KCNH5: variants seen among roughly 807,000 people sequenced by gnomAD.
The protein encoded by KCNH5 is voltage-gated delayed rectifier potassium channel KCNH5.
A neutral mutation model predicts 96.1 loss-of-function variants in KCNH5; 46 were observed. That is an observed-to-expected ratio of 0.48 (90% CI 0.38 to 0.61). The LOEUF (loss-of-function observed/expected upper bound fraction) is 0.61, where lower values mean the gene tolerates loss of function less well. KCNH5 is among the 20% of genes least tolerant of loss of function. The pLI, the probability that KCNH5 is intolerant of heterozygous loss-of-function variation, is 0.00. For synonymous variants in KCNH5, 439 were observed against 449.8 expected, an observed-to-expected ratio of 0.98 and a Z score of 0.30; for missense variants, 907 against 1,225.8, an observed-to-expected ratio of 0.74 and a Z score of 3.88.
intron 7 of KCNH5, among the ~76,000 whole-genome samples, chr14:62,929,603 G>A (rs1889542060): frequency 1.3e-5 from 2 of 151,874 alleles, no homozygotes; most frequent in South Asian, 2.1e-4. Flanking sequence ...TTATAATGAG[G>A]ACATAGACTT....
chr14:62,754,960 T>C (rs375457435), intron 10 of KCNH5, among the ~76,000 whole-genome samples: 6 of 84,462 alleles, frequency 7.1e-5, no homozygotes, highest in Admixed American at 1.3e-4. Context: ...ACAAAAACTA[T>C]ATAAAGAGAC....
In KCNH5 at chr14:62,714,614, T is replaced by C. The variant is rs143771545; in HGVS notation, c.2020-6159A>G. ...CCAATTATTATATAGATGATCATTTTTCTCTAGAAAACAAGCATTTTTTTA... is the reference window on the plus strand; with the variant it reads ...CCAATTATTATATAGATGATCATTTCTCTCTAGAAAACAAGCATTTTTTTA... On this transcript the variant is annotated intron_variant, in intron 10 of 10. Coordinates refer to ENST00000322893, the MANE Select transcript of KCNH5 (RefSeq NM_139318.5). Among the ~76,000 whole-genome samples, 557 of 152,320 alleles carry C rather than the reference T, an allele frequency of 3.7e-3. 2 individuals carry two copies. Among genetic ancestry groups the C allele is most frequent in the African/African-American group, 0.013 (542 of 41,576 alleles).
At chr14:62,970,496 C>A (rs1033352037) in intron 6 of KCNH5, among the ~76,000 whole-genome samples, 3 of 152,176 alleles carry the variant, frequency 2.0e-5, no homozygotes, top group Non-Finnish European at 4.4e-5. Context: ...ATGAGACCAG[C>A]ATTACCCCAA....
chr14:62,955,270 T>C (rs184727188), intron 6 of KCNH5, among the ~76,000 whole-genome samples: 1 of 152,222 alleles, frequency 6.6e-6, no homozygotes, highest in Non-Finnish European at 1.5e-5. Context: ...GATAGAAGGA[T>C]GCAAACAGGA....
At chr14:62,735,606 T>A (rs963285125) in intron 10 of KCNH5, among the ~76,000 whole-genome samples, 2 of 152,268 alleles carry the variant, frequency 1.3e-5, no homozygotes, top group East Asian at 3.9e-4. Flanking sequence ...ACCTTCAAAA[T>A]ACATCCACAA....
intron 3 of KCNH5, among the ~76,000 whole-genome samples, chr14:63,004,689 C>T (rs56677467): frequency 0.058 from 8,777 of 152,214 alleles, 840 homozygotes; most frequent in African/African-American, 0.2. Context: ...ACTGCAGCCT[C>T]GAACTCCTGG....
At chr14:62,823,992 A>G (rs1181807736) in intron 8 of KCNH5, among the ~76,000 whole-genome samples, 1 of 152,074 alleles carries the variant, frequency 6.6e-6, no homozygotes, top group Non-Finnish European at 1.5e-5. Flanking sequence ...AAACCTTGAT[A>G]AAACACAAAA....
intron 6 of KCNH5, among the ~76,000 whole-genome samples, chr14:62,967,044 C>G (rs1890318203): frequency 6.6e-6 from 1 of 152,128 alleles, no homozygotes; most frequent in Admixed American, 6.5e-5. Context: ...TAGCTTTTGA[C>G]AGCCTCATGC....
intron 7 of KCNH5, among the ~76,000 whole-genome samples, chr14:62,889,939 A>G (rs1306789633): frequency 5.3e-5 from 8 of 152,176 alleles, no homozygotes; most frequent in African/African-American, 1.9e-4. Flanking sequence ...TCAAATTAAT[A>G]TAACCCATCT....
At chr14:62,924,728 G>A (rs2140111052) in intron 7 of KCNH5, among the ~76,000 whole-genome samples, 1 of 151,850 alleles carries the variant, frequency 6.6e-6, no homozygotes, top group East Asian at 1.9e-4. Context: ...GAAAGACAAT[G>A]CATGATCTCA....
intron 8 of KCNH5, among the ~76,000 whole-genome samples, chr14:62,840,003 A>G (rs1173774429): frequency 6.6e-6 from 1 of 152,152 alleles, no homozygotes; most frequent in East Asian, 1.9e-4. Flanking sequence ...ATATAAAATC[A>G]TATGTTTATC....
chr14:62,968,275 C>T (rs1890340466), intron 6 of KCNH5, among the ~76,000 whole-genome samples: 1 of 152,200 alleles, frequency 6.6e-6, no homozygotes. Context: ...ACCCTGACCC[C>T]TCTTTTATTT....
At chr14:62,968,668 AC>A (rs1890349089) in intron 6 of KCNH5, among the ~76,000 whole-genome samples, 1 of 152,188 alleles carries the variant, frequency 6.6e-6, no homozygotes, top group Non-Finnish European at 1.5e-5. Context: ...CCCATTATTA[AC>A]AAAAAGCATG....
intron 5 of KCNH5, among the ~76,000 whole-genome samples, chr14:62,985,928 A>C (rs534193424): frequency 2.6e-5 from 4 of 152,244 alleles, no homozygotes; most frequent in African/African-American, 9.6e-5. Context: ...TCATTTTATT[A>C]ACCAACAGAA....
intron 7 of KCNH5, among the ~76,000 whole-genome samples, chr14:62,895,098 AATTAAC>A (rs1888784275): frequency 6.6e-6 from 1 of 152,204 alleles, no homozygotes; most frequent in Non-Finnish European, 1.5e-5. Context: ...CCATGTGCTC[AATTAAC>A]TCTTAGTAAG....
chr14:62,748,455 G>A (rs565414643), intron 10 of KCNH5, among the ~76,000 whole-genome samples: 54 of 152,172 alleles, frequency 3.5e-4, no homozygotes, highest in Middle Eastern at 3.4e-3. Context: ...CTAGAGGCTC[G>A]GAATGCCTAC....
chr14:62,984,774 G>C (rs773616613), intron 5 of KCNH5, among the ~76,000 whole-genome samples: 10 of 151,978 alleles, frequency 6.6e-5, no homozygotes, highest in Non-Finnish European at 1.2e-4. Flanking sequence ...AAAAAAAACA[G>C]ATGGGATGAA....
At chr14:63,040,384 T>G (rs1057505113) in intron 1 of KCNH5, among the ~76,000 whole-genome samples, 1 of 152,028 alleles carries the variant, frequency 6.6e-6, no homozygotes, top group African/African-American at 2.4e-5. Flanking sequence ...TATAACACAG[T>G]GTGGGAATCT....
chr14:62,753,411 G>A (rs1885546355), intron 10 of KCNH5, among the ~76,000 whole-genome samples: 2 of 152,186 alleles, frequency 1.3e-5, no homozygotes, highest in African/African-American at 4.8e-5. Flanking sequence ...TAGAGAGACA[G>A]AGGAATAGAA....
Sources: allele counts gnomAD v4.1 joint callset (sites outside exome capture counted in the v4.1 genomes callset), GRCh38; gene constraint gnomAD v4.1.1; transcripts MANE v1.5; gene names NCBI Gene and HGNC (gene_info 2026-07-23, HGNC 2026-07-21).